Variants in DOCK1 observed in about 807,000 individuals in gnomAD.
The protein encoded by DOCK1 is dedicator of cytokinesis protein 1.
In DOCK1, 138 loss-of-function variants were observed where a neutral mutation model predicts 262.7. The ratio of observed to expected loss-of-function variants is 0.53; its 90% CI spans 0.46 to 0.61. The LOEUF (loss-of-function observed/expected upper bound fraction) is 0.61. DOCK1 is among the 20% of genes least tolerant of loss of function. The pLI is 0.00. For missense variants in DOCK1, 1,908 were observed against 2,370.7 expected (o/e 0.80, Z 4.05); for synonymous variants, 866 against 867.4 (o/e 1.00, Z 0.03).
At chr10:127,288,343 C>G (rs1456889351) in intron 29 of DOCK1, among the ~76,000 whole-genome samples, 1 of 152,000 alleles carries the variant, frequency 6.6e-6, no homozygotes, top group Non-Finnish European at 1.5e-5. Flanking sequence ...TGGAATAAGC[C>G]AAGAATATAT....
intron 29 of DOCK1, among the ~76,000 whole-genome samples, chr10:127,335,561 T>C (rs1474181246): frequency 7.8e-6 from 1 of 127,986 alleles, no homozygotes; most frequent in Non-Finnish European, 1.7e-5. Flanking sequence ...ATTTTTTTTT[T>C]TTTTGAGATG....
chr10:127,028,538 A>C (rs1471872550), intron 16 of DOCK1, among the ~76,000 whole-genome samples: 2 of 152,222 alleles, frequency 1.3e-5, no homozygotes, highest in Admixed American at 1.3e-4. Flanking sequence ...AGTCAGTGGA[A>C]GAGCTTTGGT....
intron 27 of DOCK1, among the ~76,000 whole-genome samples, chr10:127,212,823 A>G (rs1306860003): frequency 6.6e-6 from 1 of 151,994 alleles, no homozygotes; most frequent in Non-Finnish European, 1.5e-5. Flanking sequence ...AAAAAAAAAA[A>G]AAAGGATGGA....
chr10:126,928,500 C>CCATGTGAGGA, intron 1 of DOCK1, among the ~76,000 whole-genome samples: 9 of 151,538 alleles, frequency 5.9e-5, no homozygotes, highest in African/African-American at 2.2e-4. Flanking sequence ...GAGAACTCAG[C>CCATGTGAGGA]TGTGTCCTGA....
At chr10:127,077,321 G>C (rs1040142031) in intron 23 of DOCK1, among the ~76,000 whole-genome samples, 3 of 152,150 alleles carry the variant, frequency 2.0e-5, no homozygotes, top group African/African-American at 7.2e-5. Flanking sequence ...CTTGAACCCA[G>C]GAGGCAGAGG....
chr10:126,970,610 A>T, intron 1 of DOCK1, 92 bp from the exon 2 acceptor site: 2 of 966,038 alleles, frequency 2.1e-6, no homozygotes, highest in South Asian at 3.0e-5. Flanking sequence ...TTTCAATATT[A>T]AAAACAACAA....
chr10:127,139,694 C>G (rs1297590281), intron 27 of DOCK1, among the ~76,000 whole-genome samples: 1 of 152,148 alleles, frequency 6.6e-6, no homozygotes, highest in Non-Finnish European at 1.5e-5. Flanking sequence ...GCCTCTTCCA[C>G]CTGATGCTGG....
At chr10:127,226,482 A>G (rs1486451005) in intron 27 of DOCK1, among the ~76,000 whole-genome samples, 3 of 142,320 alleles carry the variant, frequency 2.1e-5, no homozygotes, top group Non-Finnish European at 4.7e-5. Context: ...AGTGGCTCAC[A>G]CCTGTCATCT....
At chr10:126,910,531 T>G (rs540316484) in intron 1 of DOCK1, among the ~76,000 whole-genome samples, 1 of 152,370 alleles carries the variant, frequency 6.6e-6, no homozygotes, top group East Asian at 1.9e-4. Flanking sequence ...TTCAGATGAT[T>G]GCATTAAACT....
At chr10:127,233,284 G>A (rs1035101673) in intron 27 of DOCK1, among the ~76,000 whole-genome samples, 3 of 152,056 alleles carry the variant, frequency 2.0e-5, no homozygotes, top group African/African-American at 7.2e-5. Context: ...TGATGAAATG[G>A]CCTCTTCTCA....
At chr10:126,967,775 T>G (rs2037783869) in intron 1 of DOCK1, among the ~76,000 whole-genome samples, 1 of 152,202 alleles carries the variant, frequency 6.6e-6, no homozygotes, top group Non-Finnish European at 1.5e-5. Context: ...TGGGCCCACC[T>G]GGATTGATCC....
chr10:127,342,013 T>C (rs1298164203), intron 30 of DOCK1, among the ~76,000 whole-genome samples: 1 of 152,084 alleles, frequency 6.6e-6, no homozygotes, highest in Non-Finnish European at 1.5e-5. Flanking sequence ...AAGAAAGAAT[T>C]AGGAGTTGGT....
chr10:127,302,196 G>A (rs1446586762), intron 29 of DOCK1, among the ~76,000 whole-genome samples: 1 of 152,044 alleles, frequency 6.6e-6, no homozygotes, highest in African/African-American at 2.4e-5. Flanking sequence ...GCCTGGCTTG[G>A]CCAACCCGAG....
intron 43 of DOCK1, 137 bp downstream of exon 43, chr10:127,411,061 T>A: frequency 1.2e-6 from 1 of 846,538 alleles, no homozygotes; most frequent in South Asian, 1.8e-5. Context: ...TGTGCAGAAA[T>A]CTTAATCTAT....
At chr10:127,030,401 G>A (rs370944269) in intron 16 of DOCK1, among the ~76,000 whole-genome samples, 1 of 152,220 alleles carries the variant, frequency 6.6e-6, no homozygotes, top group East Asian at 1.9e-4. Flanking sequence ...CAGCCACACT[G>A]GACTTCTGTC....
chr10:127,251,222 C>T (rs1475042501), intron 28 of DOCK1, among the ~76,000 whole-genome samples: 2 of 151,848 alleles, frequency 1.3e-5, no homozygotes, highest in African/African-American at 4.8e-5. Flanking sequence ...CCGCCTCGGC[C>T]TCCCAAATGG....
chr10:127,209,386 G>A (rs971484351), intron 27 of DOCK1, among the ~76,000 whole-genome samples: 1 of 152,208 alleles, frequency 6.6e-6, no homozygotes, highest in Non-Finnish European at 1.5e-5. Context: ...CGAGACTGGA[G>A]ATTGAAAATA....
chr10:127,016,168 G>A (rs2041865525), intron 12 of DOCK1: 1 of 152,234 alleles, frequency 6.6e-6, no homozygotes, highest in Admixed American at 6.5e-5. Flanking sequence ...GAGGTCGTGA[G>A]GGTCTGCCCT....
intron 29 of DOCK1, among the ~76,000 whole-genome samples, chr10:127,336,782 A>G (rs543291828): frequency 4.2e-4 from 64 of 151,980 alleles, no homozygotes; most frequent in Admixed American, 1.0e-3. Context: ...CTCGTGATTC[A>G]CCCACCTTGG....
Sources: gnomAD v4.1 joint callset for allele counts (sites outside exome capture counted in the v4.1 genomes callset) on GRCh38, gnomAD v4.1.1 for gene constraint, MANE v1.5 for transcripts, NCBI Gene and HGNC (gene_info 2026-07-23, HGNC 2026-07-21) for gene names.